The following HIF1AN variants were observed in gnomAD, a reference collection of about 807,000 sequenced individuals.
The protein encoded by HIF1AN is hypoxia inducible factor 1 subunit alpha inhibitor.
A neutral mutation model predicts 47.7 loss-of-function variants in HIF1AN; 21 were observed. The observed-to-expected ratio is 0.44, with a 90% CI of 0.31 to 0.63. HIF1AN has a LOEUF of 0.63. Ranked by LOEUF, HIF1AN falls within the 30% of genes least tolerant of loss-of-function variation. The pLI, the probability that HIF1AN is intolerant of heterozygous loss-of-function variation, is 0.07. For synonymous variants in HIF1AN, 152 were observed against 155.9 expected, an observed-to-expected ratio of 0.98 and a Z score of 0.18; for missense variants, 320 against 432.7, an observed-to-expected ratio of 0.74 and a Z score of 2.31.
chr10:100,542,618 G>T (rs1843049344), intron 3 of HIF1AN, among the ~76,000 whole-genome samples: 1 of 152,098 alleles, frequency 6.6e-6, no homozygotes, highest in Admixed American at 6.5e-5. Context: ...GCCTCCCAAA[G>T]TGCTGGGATT....
chr10:100,558,947 CAT>C lies in HIF1AN; in HGVS notation c.*10813_*10814del, dbSNP rs1843235814. The stretch of plus-strand genomic sequence containing the variant: ...TGCAGTTTGTATTTTAAGTCCTTGA[CAT>C]ATGGAAGAGCATTTGTGAGAGTAAC... On this transcript the variant is annotated 3_prime_UTR_variant, in exon 8 of 8. Coordinates refer to ENST00000299163, the MANE Select transcript of HIF1AN (RefSeq NM_017902.3). The C allele has an allele frequency of 6.6e-6, 1 of 152,084 alleles. No homozygotes were observed. 9.4% of individuals were successfully genotyped at this position (152,084 alleles called of 1,614,324 possible).
At chr10:100,536,206 A>T (rs1852218190) in intron 1 of HIF1AN, 71 bp downstream of exon 1, 1 of 1,443,740 alleles carries the variant, frequency 6.9e-7, no homozygotes, top group African/African-American at 1.4e-5. Context: ...GTGAATGGTG[A>T]AAGAGATGGG....
In HIF1AN at chr10:100,553,985, TTC is replaced by T. The variant is rs1230890530; in HGVS notation, c.*5855_*5856del. ...CTCTAAACAGATTTCCAGTGGTTCT[TTC>T]TCTCTCAAGAAAAGCATAGGGAAAA... On this transcript the variant is annotated 3_prime_UTR_variant, in exon 8 of 8. Transcript: ENST00000299163. 1 of 151,970 alleles carries T rather than the reference TTC, an allele frequency of 6.6e-6. No individual in the cohort carries two copies. Among genetic ancestry groups the T allele is most frequent in the African/African-American group, 2.4e-5 (1 of 41,436 alleles). The allele number at this position is 151,970 out of a possible 1,614,324, so 9.4% of individuals were successfully genotyped here. A position where few individuals can be genotyped will look rare whatever the true frequency, so the allele number is the denominator to read the frequency against.
rs757693529 is a variant in HIF1AN at position 100,553,045 on chromosome 10, G to C, written c.*4908G>C. On this transcript the variant is annotated 3_prime_UTR_variant, in exon 8 of 8. Transcript: ENST00000299163. ...CTTGAGGCCTGGGGGCGTGTGGTCA[G>C]TGAGGCCTCCAGAGGTGGGTTAGGG... 7.2e-5 allele frequency: 11 copies of C among 152,166 alleles called. No individual in the cohort carries two copies. The highest frequency in any genetic ancestry group is 6.6e-4 in the Admixed American group (10 of 15,252). The allele number at this position is 152,166 out of a possible 1,614,324, so 9.4% of individuals were successfully genotyped here. A position where few individuals can be genotyped will look rare whatever the true frequency, so the allele number is the denominator to read the frequency against.
chr10:100,543,422 T>C (rs961567477), intron 3 of HIF1AN, among the ~76,000 whole-genome samples: 3 of 152,120 alleles, frequency 2.0e-5, no homozygotes, highest in Non-Finnish European at 4.4e-5. Flanking sequence ...CTCGAACTCC[T>C]GGCCCCCTCT....
intron 7 of HIF1AN, among the ~76,000 whole-genome samples, chr10:100,547,796 G>C (rs1278436929): frequency 6.6e-6 from 1 of 152,162 alleles, no homozygotes; most frequent in Non-Finnish European, 1.5e-5. Context: ...AGACACTCTT[G>C]GGTGTTCGGG....
chr10:100,558,129 A>G lies in HIF1AN; in HGVS notation c.*9992A>G, dbSNP rs1843229396. On this transcript the variant is annotated 3_prime_UTR_variant, in exon 8 of 8. Transcript: ENST00000299163. ...GTGATGCTAAGAGGTGAGAGTCTCA[A>G]GAAAGAAGATGGGTGTTCTAGAGGG... The G allele has an allele frequency of 6.6e-6, 1 of 152,482 alleles. No homozygotes were observed. Among genetic ancestry groups the G allele is most frequent in the Non-Finnish European group, 1.5e-5 (1 of 68,242 alleles). The allele number at this position is 152,482 out of a possible 1,614,324, so 9.4% of individuals were successfully genotyped here. A position where few individuals can be genotyped will look rare whatever the true frequency, so the allele number is the denominator to read the frequency against.
At chr10:100,547,952 A>T in intron 7 of HIF1AN, 141 bp from the exon 8 acceptor site, 1 of 739,064 alleles carries the variant, frequency 1.4e-6, no homozygotes, top group Non-Finnish European at 2.4e-6. Flanking sequence ...TCAGGAAGAT[A>T]GGTGATTAGA....
rs1843232750 is a variant in HIF1AN at position 100,558,527 on chromosome 10, CA to C, written c.*10392del. On this transcript the variant is annotated 3_prime_UTR_variant, in exon 8 of 8. Transcript: ENST00000299163. ...AGAAGACATTTTGTGTTTTGACAGC[CA>C]AGGAAATTTGCCACTGAGACAAGGT... 6.6e-6 allele frequency: 1 copy of C among 152,106 alleles called. No homozygotes were observed. The highest frequency in any genetic ancestry group is 6.5e-5 in the Admixed American group (1 of 15,276). The allele number at this position is 152,106 out of a possible 1,614,324, so 9.4% of individuals were successfully genotyped here.
intron 3 of HIF1AN, among the ~76,000 whole-genome samples, chr10:100,543,491 A>G (rs2133725702): frequency 6.6e-6 from 1 of 151,998 alleles, no homozygotes; most frequent in East Asian, 1.9e-4. Flanking sequence ...GGGATTACAG[A>G]CGTGAGCCAC....
chr10:100,549,743 GTTTTC>G lies in HIF1AN; in HGVS notation c.*1616_*1620del, dbSNP rs1006858767. On this transcript the variant is annotated 3_prime_UTR_variant, in exon 8 of 8. Transcript: ENST00000299163. ...GGGAAGAGGAGTTGGAAGGTCTCTG[GTTTTC>G]TTTTCTTTTTTTTTTTTTTTGCCAA... 7 of 148,478 alleles carry G rather than the reference GTTTTC, an allele frequency of 4.7e-5. No homozygotes were observed. Among genetic ancestry groups the G allele is most frequent in the Non-Finnish European group, 1.0e-4 (7 of 67,552 alleles). 9.2% of individuals were successfully genotyped at this position (148,478 alleles called of 1,614,324 possible).
rs999379314 is a variant in HIF1AN, at chr10:100,550,062, G to T, written c.*1925G>T. On this transcript the variant is annotated 3_prime_UTR_variant, in exon 8 of 8. Coordinates refer to ENST00000299163, the MANE Select transcript of HIF1AN (RefSeq NM_017902.3). ...TGGGAAAGAGGAGCACAGGAGCGGAGGAAAAACTTGGCCACAGTCACACTT... is the reference window on the plus strand; with the variant it reads ...TGGGAAAGAGGAGCACAGGAGCGGATGAAAAACTTGGCCACAGTCACACTT... The T allele has an allele frequency of 6.6e-6, 1 of 152,176 alleles. No individual in the cohort carries two copies. Among genetic ancestry groups the T allele is most frequent in the African/African-American group, 2.4e-5 (1 of 41,422 alleles). The allele number at this position is 152,176 out of a possible 1,614,324, so 9.4% of individuals were successfully genotyped here. A position where few individuals can be genotyped will look rare whatever the true frequency, so the allele number is the denominator to read the frequency against.
intron 3 of HIF1AN, among the ~76,000 whole-genome samples, chr10:100,542,846 G>GTTTTTTTTTTTTTTTTTTTTT (rs397730143): frequency 2.7e-5 from 3 of 111,762 alleles, no homozygotes; most frequent in Non-Finnish European, 5.1e-5. Context: ...ATGTGAATGT[G>GTTTTTTTTTTTTTTTTTTTTT]TTTTTTTTTT....
chr10:100,547,375 G>C, intron 7 of HIF1AN, 125 bp downstream of exon 7: 2 of 621,756 alleles, frequency 3.2e-6, no homozygotes, highest in Non-Finnish European at 5.7e-6. Context: ...GAGGTTATGG[G>C]TATGTTCAGA....
Position 100,540,484 on chromosome 10 carries a change from G to A in HIF1AN, c.429-150G>A, listed in dbSNP as rs1843015138. 7 of 741,388 alleles carry A rather than the reference G, an allele frequency of 9.4e-6. No homozygotes were observed. The South Asian group carries it at 1.2e-4, about 13-fold the overall frequency. 45.9% of individuals were successfully genotyped at this position (741,388 alleles called of 1,614,324 possible). A position where few individuals can be genotyped will look rare whatever the true frequency, so the allele number is the denominator to read the frequency against. On this transcript the variant is annotated intron_variant, in intron 2 of 7. Coordinates refer to ENST00000299163, the MANE Select transcript of HIF1AN (RefSeq NM_017902.3). ...GATAAGTAAGAATTCAGTTGTATGAGAATCCATGTTGGCTAAAATTTGCCT... is the reference window on the plus strand; with the variant it reads ...GATAAGTAAGAATTCAGTTGTATGAAAATCCATGTTGGCTAAAATTTGCCT...
intron 4 of HIF1AN, chr10:100,545,502 C>T (rs897823609): frequency 9.7e-6 from 2 of 206,616 alleles, no homozygotes; most frequent in African/African-American, 4.6e-5. Flanking sequence ...TAATGTATTT[C>T]CTAGATCTAA....
rs1393908254 is a variant in HIF1AN at position 100,553,967 on chromosome 10, CAG to C, written c.*5832_*5833del. 1 of 152,110 alleles carries C rather than the reference CAG, an allele frequency of 6.6e-6. No individual in the cohort carries two copies. The highest frequency in any genetic ancestry group is 2.4e-5 in the African/African-American group (1 of 41,438). 9.4% of individuals were successfully genotyped at this position (152,110 alleles called of 1,614,324 possible). On this transcript the variant is annotated 3_prime_UTR_variant, in exon 8 of 8. Coordinates refer to ENST00000299163, the MANE Select transcript of HIF1AN (RefSeq NM_017902.3). Reference sequence around the variant, plus strand: ...AAACTTGGTTTCAGTGATCTCTAAACAGATTTCCAGTGGTTCTTTCTCTCTCA... The same window carrying C: ...AAACTTGGTTTCAGTGATCTCTAAACATTTCCAGTGGTTCTTTCTCTCTCA...
intron 3 of HIF1AN, among the ~76,000 whole-genome samples, chr10:100,541,129 G>C (rs926012933): frequency 5.3e-5 from 8 of 152,164 alleles, no homozygotes; most frequent in African/African-American, 1.9e-4. Flanking sequence ...TGAGAGAGGG[G>C]AATTGCTTGA....
Position 100,557,535 on chromosome 10 carries a change from C to G in HIF1AN, c.*9398C>G, listed in dbSNP as rs1187156391. 2.0e-5 allele frequency: 3 copies of G among 152,244 alleles called. No homozygotes were observed. Among genetic ancestry groups the G allele is most frequent in the Admixed American group, 6.5e-5 (1 of 15,272 alleles). The allele number at this position is 152,244 out of a possible 1,614,324, so 9.4% of individuals were successfully genotyped here. ...GATCTTGGCTCACTGCAACCTCCAC[C>G]TCCTCCAGGTTCAAGCAATTCTGCC... On this transcript the variant is annotated 3_prime_UTR_variant, in exon 8 of 8. Transcript: ENST00000299163.
Sources: allele counts gnomAD v4.1 joint callset (sites outside exome capture counted in the v4.1 genomes callset), GRCh38; gene constraint gnomAD v4.1.1; transcripts MANE v1.5; gene names NCBI Gene and HGNC (gene_info 2026-07-23, HGNC 2026-07-21).